The following ZFHX3 variants were observed in gnomAD, a reference collection of about 807,000 sequenced individuals.
ZFHX3 encodes zinc finger homeobox 3, also known as zinc finger homeobox protein 3.
ZFHX3 carries 42 observed loss-of-function variants against 279.1 expected under a neutral mutation model. The observed-to-expected ratio is 0.15, with a 90% confidence interval of 0.12 to 0.19. The LOEUF (loss-of-function observed/expected upper bound fraction) is 0.19, where lower values mean the gene tolerates loss of function less well. Among genes scored for constraint, ZFHX3 ranks in the 10% least tolerant of loss-of-function variants. The probability of loss-of-function intolerance (pLI) is 1.00; values close to 1 mark genes in which losing one functional copy is unlikely to be tolerated. For synonymous variants in ZFHX3, 2,293 were observed against 1,957.8 expected, an observed-to-expected ratio of 1.17 and a Z score of -4.52; for missense variants, 4,981 against 4,754.0, an observed-to-expected ratio of 1.05 and a Z score of -1.40.
chr16:73,324,599 C>G (rs369470957), intron 3 of ZFHX3, among the ~76,000 whole-genome samples: 79 of 152,346 alleles, frequency 5.2e-4, no homozygotes, highest in African/African-American at 1.7e-3. Context: ...GTTAAGAAAG[C>G]TGTCCTGGGG....
chr16:73,578,452 C>A (rs2051824055), intron 2 of ZFHX3, among the ~76,000 whole-genome samples: 2 of 151,164 alleles, frequency 1.3e-5, no homozygotes, highest in East Asian at 3.9e-4. Context: ...CAAAGAAATT[C>A]AGTTGTTTGG....
At chr16:73,348,517 G>T (rs2016162539) in intron 3 of ZFHX3, among the ~76,000 whole-genome samples, 1 of 152,182 alleles carries the variant, frequency 6.6e-6, no homozygotes, top group Non-Finnish European at 1.5e-5. Flanking sequence ...TCCACTTGAA[G>T]CCGTGTTTGA....
intron 1 of ZFHX3, among the ~76,000 whole-genome samples, chr16:73,741,028 CTTTTTT>C (rs57661722): frequency 2.1e-4 from 18 of 85,574 alleles, no homozygotes; most frequent in African/African-American, 7.1e-4. Flanking sequence ...AAAAATGGGC[CTTTTTT>C]TTTTTTTTTT....
intron 1 of ZFHX3, among the ~76,000 whole-genome samples, chr16:73,713,596 C>T (rs1300326416): frequency 4.0e-5 from 6 of 151,742 alleles, no homozygotes; most frequent in African/African-American, 1.5e-4. Flanking sequence ...AGCCAAACAG[C>T]ACTTTACAGC....
chr16:73,586,452 TAAAA>T lies in ZFHX3; in HGVS notation c.-1547+93724_-1547+93727del, dbSNP rs61575907. 2.6e-4 allele frequency among the ~76,000 whole-genome samples: 33 copies of T among 128,762 alleles called. No homozygotes were observed. In the South Asian group the frequency reaches 8.3e-3, roughly 32 times the overall value. The allele number at this position is 128,762 out of a possible 152,430, so 84.5% of individuals were successfully genotyped here. On this transcript the variant is annotated intron_variant, in intron 2 of 17. Transcript: ENST00000641206. ...AAAAAACATACAGAAAAGTTGGAGG[TAAAA>T]AAAAAAAACCATAAATGAAACACTC...
At chr16:73,728,015 GC>G (rs3049673) in intron 1 of ZFHX3, among the ~76,000 whole-genome samples, 4,199 of 75,484 alleles carry the variant, frequency 0.056, 366 homozygotes, top group African/African-American at 0.18. Flanking sequence ...GCCGAATTGT[GC>G]CCCCCCCCCG....
chr16:73,181,085 GTTTTGT>G (rs149199492), intron 5 of ZFHX3, among the ~76,000 whole-genome samples: 22,801 of 126,978 alleles, frequency 0.18, 1,857 homozygotes, highest in East Asian at 0.27. Context: ...TTGTTTGTTT[GTTTTGT>G]TTTGTTTTGT....
rs1567652943 is a variant in ZFHX3, at chr16:73,055,681, CGCG to C, written c.-24+2846_-24+2848del. ...GACACCCACACGGTGCAGACGTACG[CGCG>C]CGCGCGCGCGCGCGCACACACACAC... On this transcript the variant is annotated intron_variant, in intron 1 of 8. Transcript: ENST00000397992. Among the ~76,000 whole-genome samples the C allele has an allele frequency of 2.5e-3, 252 of 98,938 alleles. 2 individuals are homozygous for C. The highest frequency in any genetic ancestry group is 4.6e-3 in the South Asian group (17 of 3,702). 64.9% of individuals were successfully genotyped at this position (98,938 alleles called of 152,430 possible). A position where few individuals can be genotyped will look rare whatever the true frequency, so the allele number is the denominator to read the frequency against.
intron 1 of ZFHX3, among the ~76,000 whole-genome samples, chr16:73,803,533 T>C (rs1960193845): frequency 6.6e-6 from 1 of 152,336 alleles, no homozygotes; most frequent in Middle Eastern, 3.4e-3. Flanking sequence ...TGAGAGCCTA[T>C]TGAACAGAAC....
intron 1 of ZFHX3, among the ~76,000 whole-genome samples, chr16:73,869,340 T>C (rs1962106402): frequency 6.6e-6 from 1 of 152,186 alleles, no homozygotes; most frequent in East Asian, 1.9e-4. Flanking sequence ...AAATTTTAGA[T>C]GCCATTTGAT....
chr16:73,628,660 G>A (rs2052440405), intron 2 of ZFHX3, among the ~76,000 whole-genome samples: 1 of 152,118 alleles, frequency 6.6e-6, no homozygotes, highest in Non-Finnish European at 1.5e-5. Flanking sequence ...TCTTTTAATT[G>A]TTCTGAATCA....
intron 2 of ZFHX3, among the ~76,000 whole-genome samples, chr16:73,509,618 G>A (rs1291580579): frequency 2.0e-5 from 3 of 147,700 alleles, no homozygotes; most frequent in African/African-American, 7.7e-5. Flanking sequence ...TCCACCCCCT[G>A]GGTTCAAGCG....
intron 3 of ZFHX3, among the ~76,000 whole-genome samples, chr16:73,378,935 T>A (rs527497779): frequency 9.2e-5 from 14 of 152,244 alleles, no homozygotes; most frequent in African/African-American, 3.4e-4. Context: ...ATTGTCCTTT[T>A]GGGGGCACTT....
chr16:73,396,125 G>A (rs1371288566), intron 3 of ZFHX3, among the ~76,000 whole-genome samples: 2 of 152,220 alleles, frequency 1.3e-5, no homozygotes, highest in East Asian at 1.9e-4. Flanking sequence ...TGGAAGATGG[G>A]GAGTTAGAAA....
chr16:73,717,702 G>A lies in ZFHX3; in HGVS notation c.-1607-37462C>T, dbSNP rs148448945. ...TCTCTCTTCCCCCCAGTTCCTAAACGCAGCCTTGTTTGAGGCTTAGAAGAC... is the reference window on the plus strand; with the variant it reads ...TCTCTCTTCCCCCCAGTTCCTAAACACAGCCTTGTTTGAGGCTTAGAAGAC... On this transcript the variant is annotated intron_variant, in intron 1 of 17. Transcript: ENST00000641206. Among the ~76,000 whole-genome samples the A allele has an allele frequency of 4.1e-3, 626 of 152,210 alleles. 3 individuals are homozygous for A. Among genetic ancestry groups the A allele is most frequent in the Non-Finnish European group, 7.3e-3 (496 of 68,022 alleles).
intron 2 of ZFHX3, among the ~76,000 whole-genome samples, chr16:73,456,912 T>C (rs1405399106): frequency 1.3e-5 from 2 of 152,188 alleles, no homozygotes; most frequent in Non-Finnish European, 2.9e-5. Context: ...GCAAAATACT[T>C]GAACAGCCAA....
intron 1 of ZFHX3, among the ~76,000 whole-genome samples, chr16:73,043,170 G>A (rs1449395853): frequency 3.9e-5 from 6 of 152,138 alleles, no homozygotes; most frequent in African/African-American, 1.4e-4. Flanking sequence ...AAAGCTCAAA[G>A]AACACACAGC....
chr16:73,198,341 CTTTTTTT>C (rs79436905), intron 5 of ZFHX3, among the ~76,000 whole-genome samples: 1 of 130,204 alleles, frequency 7.7e-6, no homozygotes, highest in Non-Finnish European at 1.7e-5. Context: ...ATGCTGGTAT[CTTTTTTT>C]TTTTTTTTTT....
At chr16:73,276,996 G>A (rs2014318527) in intron 4 of ZFHX3, among the ~76,000 whole-genome samples, 1 of 152,184 alleles carries the variant, frequency 6.6e-6, no homozygotes, top group Non-Finnish European at 1.5e-5. Flanking sequence ...TTCTAAAGGA[G>A]ATATTCTACA....
Sources: allele counts gnomAD v4.1 joint callset (sites outside exome capture counted in the v4.1 genomes callset), GRCh38; gene constraint gnomAD v4.1.1; transcripts MANE v1.5; gene names NCBI Gene and HGNC (gene_info 2026-07-23, HGNC 2026-07-21).